Variants in TTC6 observed in about 807,000 individuals in gnomAD.
TTC6 encodes tetratricopeptide repeat protein 6.
TTC6 carries 172 observed loss-of-function variants against 210.4 expected under a neutral mutation model. That is an observed-to-expected ratio of 0.82 (90% CI 0.72 to 0.93). The LOEUF (loss-of-function observed/expected upper bound fraction) is 0.93, where lower values mean the gene tolerates loss of function less well. TTC6 is among the 40% of genes least tolerant of loss of function. The pLI is 0.00. For synonymous variants in TTC6, 804 were observed against 819.6 expected (o/e 0.98, Z 0.32); for missense variants, 2,414 against 2,318.1 (o/e 1.04, Z -0.85).
chr14:37,761,770 C>T (rs1184627820), intron 14 of TTC6, among the ~76,000 whole-genome samples: 1 of 152,092 alleles, frequency 6.6e-6, no homozygotes, highest in Admixed American at 6.5e-5. Flanking sequence ...TCTTTTATGT[C>T]TAGCTTCTTT....
intron 1 of TTC6, among the ~76,000 whole-genome samples, chr14:37,644,608 C>T (rs554948372): frequency 7.2e-5 from 11 of 152,172 alleles, no homozygotes; most frequent in Non-Finnish European, 1.5e-4. Flanking sequence ...GAAGAAATAA[C>T]GAGGTAGTTT....
At chr14:37,688,644 G>A (rs1243911871) in intron 3 of TTC6, among the ~76,000 whole-genome samples, 1 of 152,128 alleles carries the variant, frequency 6.6e-6, no homozygotes, top group East Asian at 1.9e-4. Flanking sequence ...ACAAAGTAAA[G>A]AAGAGAACAA....
At chr14:37,709,335 A>G (rs1054238603) in intron 5 of TTC6, among the ~76,000 whole-genome samples, 10 of 152,126 alleles carry the variant, frequency 6.6e-5, no homozygotes, top group Non-Finnish European at 1.5e-4. Context: ...TGCACTCTGT[A>G]TCACAGTGGG....
intron 1 of TTC6, among the ~76,000 whole-genome samples, chr14:37,655,721 C>T (rs2095721169): frequency 6.6e-6 from 1 of 152,128 alleles, no homozygotes; most frequent in African/African-American, 2.4e-5. Flanking sequence ...CCAAGAAATA[C>T]GATGACATTC....
chr14:37,736,008 T>G (rs1262861401), exon 8 of TTC6: 2 of 1,510,460 alleles, frequency 1.3e-6, no homozygotes, highest in Non-Finnish European at 8.9e-7. Flanking sequence ...AACAAATTTT[T>G]GGGTATGTAC....
intron 14 of TTC6, among the ~76,000 whole-genome samples, chr14:37,775,869 A>G (rs899328290): frequency 2.0e-5 from 3 of 152,092 alleles, no homozygotes; most frequent in African/African-American, 7.2e-5. Context: ...ACCATTATGT[A>G]ATGCCCTTCT....
chr14:37,826,743 A>G (rs775074649), intron 28 of TTC6, among the ~76,000 whole-genome samples: 1 of 152,142 alleles, frequency 6.6e-6, no homozygotes, highest in Non-Finnish European at 1.5e-5. Flanking sequence ...TGTTGAATGC[A>G]GTGACAGAAA....
chr14:37,737,634 A>T (rs1236104136), intron 8 of TTC6, 26 bp from the exon 11 acceptor site: 1 of 1,342,434 alleles, frequency 7.4e-7, no homozygotes, highest in Non-Finnish European at 1.0e-6. Flanking sequence ...TGACTAATGT[A>T]TATTTTTCAT....
In TTC6 at chr14:37,666,293, T is replaced by C. The variant is rs177895; in HGVS notation, c.940-13858T>C. ...CACTGGGCCTCCAAGTATGAGTTTG[T>C]TTGACAGATAGGTCCTACCATTTAA... On this transcript the variant is annotated intron_variant, in intron 1 of 30. Transcript: ENST00000553443. Among the ~76,000 whole-genome samples, 2 of 149,724 alleles carry C rather than the reference T, an allele frequency of 1.3e-5. 1 individual carries two copies. Among genetic ancestry groups the C allele is most frequent in the Non-Finnish European group, 3.0e-5 (2 of 66,746 alleles).
At chr14:37,653,656 T>C (rs1283670206) in intron 1 of TTC6, among the ~76,000 whole-genome samples, 1 of 152,204 alleles carries the variant, frequency 6.6e-6, no homozygotes, top group Non-Finnish European at 1.5e-5. Flanking sequence ...ACTATCATTT[T>C]TGGAGTTAGG....
rs774167834 is a variant in TTC6 at position 37,682,761 on chromosome 14, G to C, written c.1054G>C (p.Val352Leu). Residue 352 changes from valine (V) to leucine (L), a missense_variant, in exon 3 of 31, where the codon GTG becomes CTG. Transcript: ENST00000553443. ...GCACATTTACTTTTTCCAACAGAGC[G>C]TGCATAAGGAACTTTCTGAAACCAT... 4 of 1,535,210 alleles carry C rather than the reference G, an allele frequency of 2.6e-6. No homozygotes were observed. The African/African-American group carries it at 5.5e-5, about 21-fold the overall frequency.
chr14:37,804,938 G>A (rs2096115041), intron 21 of TTC6, 124 bp downstream of exon 23: 1 of 1,033,218 alleles, frequency 9.7e-7, no homozygotes, highest in Non-Finnish European at 1.4e-6. Context: ...TATGAAGCTT[G>A]GCTTGTTATA....
intron 3 of TTC6, among the ~76,000 whole-genome samples, chr14:37,683,951 C>A (rs1328623165): frequency 1.3e-5 from 2 of 152,086 alleles, no homozygotes; most frequent in Non-Finnish European, 2.9e-5. Context: ...CACACTGATT[C>A]AGATGGATGC....
intron 14 of TTC6, among the ~76,000 whole-genome samples, chr14:37,771,867 G>C (rs1485277375): frequency 2.6e-5 from 4 of 152,190 alleles, no homozygotes; most frequent in Non-Finnish European, 5.9e-5. Flanking sequence ...TCCTTTGGAG[G>C]AGGAGAGGCG....
intron 6 of TTC6, among the ~76,000 whole-genome samples, chr14:37,717,255 A>C (rs1417152239): frequency 6.6e-6 from 1 of 151,958 alleles, no homozygotes; most frequent in Non-Finnish European, 1.5e-5. Flanking sequence ...CAGTAAGGAA[A>C]CTTAATGAAA....
intron 22 of TTC6, among the ~76,000 whole-genome samples, chr14:37,806,950 A>C (rs1447047581): frequency 6.6e-6 from 1 of 152,166 alleles, no homozygotes; most frequent in Non-Finnish European, 1.5e-5. Context: ...AATTTCTATA[A>C]GTTATCTTGG....
chr14:37,829,644 G>C (rs1053188027), intron 29 of TTC6, among the ~76,000 whole-genome samples: 1 of 151,878 alleles, frequency 6.6e-6, no homozygotes. Context: ...TATAAAAATT[G>C]GTATGAATTA....
chr14:37,631,077 G>A (rs2095669141), intron 1 of TTC6, among the ~76,000 whole-genome samples: 2 of 151,506 alleles, frequency 1.3e-5, no homozygotes, highest in Non-Finnish European at 2.9e-5. Flanking sequence ...TTGTCAGTCT[G>A]TGTCTTTTAA....
chr14:37,805,709 G>GTTTC (rs1388090621), intron 21 of TTC6, among the ~76,000 whole-genome samples: 2 of 152,036 alleles, frequency 1.3e-5, no homozygotes, highest in Non-Finnish European at 2.9e-5. Flanking sequence ...TTGTTTGTTT[G>GTTTC]TTTGTTTTTT....
Sources: gnomAD v4.1 joint callset for allele counts (sites outside exome capture counted in the v4.1 genomes callset) on GRCh38, gnomAD v4.1.1 for gene constraint, MANE v1.5 for transcripts, NCBI Gene and HGNC (gene_info 2026-07-23, HGNC 2026-07-21) for gene names.